The following GARNL3 variants were observed in gnomAD, a reference collection of about 807,000 sequenced individuals.
GARNL3 encodes the protein GTPase activating Rap/RanGAP domain like 3, also known as GTPase-activating Rap/Ran-GAP domain-like protein 3.
In GARNL3, 63 loss-of-function variants were observed where a neutral mutation model predicts 125.0. That is an observed-to-expected ratio of 0.50 (90% CI 0.41 to 0.62). The LOEUF (loss-of-function observed/expected upper bound fraction) is 0.62, where lower values mean the gene tolerates loss of function less well. Ranked by LOEUF, GARNL3 falls within the 20% of genes least tolerant of loss-of-function variation. GARNL3 has a pLI of 0.00. For synonymous variants in GARNL3, 439 were observed against 457.5 expected (o/e 0.96, Z 0.52); for missense variants, 994 against 1,244.0 (o/e 0.80, Z 3.02).
At chr9:127,231,227 T>TG (rs1338376076) in intron 1 of GARNL3, among the ~76,000 whole-genome samples, 2,059 of 85,764 alleles carry the variant, frequency 0.024, 24 homozygotes, top group South Asian at 0.075. Context: ...GCTAATTTTT[T>TG]GTTTTTTTTT....
chr9:127,347,378 C>T (rs1202745177), intron 16 of GARNL3, among the ~76,000 whole-genome samples: 1 of 152,040 alleles, frequency 6.6e-6, no homozygotes, highest in Non-Finnish European at 1.5e-5. Context: ...GCCATGTTCA[C>T]ACCACTGCAC....
intron 22 of GARNL3, among the ~76,000 whole-genome samples, chr9:127,372,717 A>T (rs1440141420): frequency 6.6e-6 from 1 of 152,250 alleles, no homozygotes. Flanking sequence ...ACAAAATGCT[A>T]CAGTTCAAAA....
At chr9:127,369,857 A>AAGGG (rs1831512607) in intron 22 of GARNL3, among the ~76,000 whole-genome samples, 1 of 152,154 alleles carries the variant, frequency 6.6e-6, no homozygotes, top group African/African-American at 2.4e-5. Context: ...TCCAATAGGG[A>AAGGG]AGGGAGGACT....
At chr9:127,320,916 A>T in intron 6 of GARNL3, 138 bp downstream of exon 6, 1 of 627,036 alleles carries the variant, frequency 1.6e-6, no homozygotes, top group Non-Finnish European at 2.8e-6. Flanking sequence ...ATCATGGGAG[A>T]ACCTCACACC....
Position 127,281,537 on chromosome 9 carries a change from G to C in GARNL3, c.145-9631G>C, listed in dbSNP as rs145179931. ...CAGCTGCCCAGCTGCCCAGTCACCC[G>C]GATCTCCCTGTCCCCCGGCACAGGC... On this transcript the variant is annotated intron_variant, in intron 1 of 27. Coordinates refer to ENST00000373387, the MANE Select transcript of GARNL3 (RefSeq NM_032293.5). 2.5e-3 allele frequency among the ~76,000 whole-genome samples: 375 copies of C among 152,198 alleles called. 3 individuals are homozygous for C. Among genetic ancestry groups the C allele is most frequent in the African/African-American group, 8.6e-3 (358 of 41,528 alleles).
At chr9:127,335,720 C>T (rs535556005) in intron 10 of GARNL3, among the ~76,000 whole-genome samples, 116 of 151,900 alleles carry the variant, frequency 7.6e-4, no homozygotes, top group Non-Finnish European at 5.3e-4. Context: ...TAGGTGTTAC[C>T]TTTTCTCTGT....
At chr9:127,345,894 A>G (rs10987603) in intron 16 of GARNL3, among the ~76,000 whole-genome samples, 23,851 of 152,222 alleles carry the variant, frequency 0.16, 2,436 homozygotes, top group South Asian at 0.36. Flanking sequence ...TTAAACAGCA[A>G]GGCTCCTGGG....
intron 1 of GARNL3, among the ~76,000 whole-genome samples, chr9:127,288,971 C>G (rs1345371223): frequency 6.6e-6 from 1 of 152,146 alleles, no homozygotes; most frequent in African/African-American, 2.4e-5. Flanking sequence ...TCATAGTGCT[C>G]TTTTCTTGCC....
At chr9:127,350,651 C>T (rs1471945199) in intron 17 of GARNL3, among the ~76,000 whole-genome samples, 1 of 151,972 alleles carries the variant, frequency 6.6e-6, no homozygotes, top group Non-Finnish European at 1.5e-5. Context: ...TGGCGGATGC[C>T]TGTAGTCCCA....
rs144824185 is a variant in GARNL3 at position 127,298,920 on chromosome 9, A to G, written c.219+7678A>G. On this transcript the variant is annotated intron_variant, in intron 2 of 27. Transcript: ENST00000373387. ...ATTACTGGTGAGGAAGCCAAATTCA[A>G]ATTCTTTCAGAAAATTCACTCAACT... Among the ~76,000 whole-genome samples the G allele has an allele frequency of 3.6e-3, 552 of 152,336 alleles. 1 individual carries two copies. Among genetic ancestry groups the G allele is most frequent in the South Asian group, 0.013 (64 of 4,824 alleles).
At chr9:127,357,418 A>G (rs1478183095) in intron 21 of GARNL3, 41 bp downstream of exon 21, 1 of 1,598,898 alleles carries the variant, frequency 6.3e-7, no homozygotes, top group South Asian at 1.1e-5. Context: ...ATCAGAAAAG[A>G]GTAATCATCG....
chr9:127,250,827 G>A (rs1052392206), intron 2 of GARNL3, among the ~76,000 whole-genome samples: 3 of 152,062 alleles, frequency 2.0e-5, no homozygotes, highest in African/African-American at 2.4e-5. Flanking sequence ...TGTGCCCTAA[G>A]AACAGGGAGG....
At chr9:127,251,992 T>A (rs2063413164) in intron 2 of GARNL3, among the ~76,000 whole-genome samples, 1 of 152,116 alleles carries the variant, frequency 6.6e-6, no homozygotes, top group Non-Finnish European at 1.5e-5. Context: ...ACCGTTAGTT[T>A]CCCCCACATA....
In GARNL3 at chr9:127,280,260, C is replaced by T. The variant is rs115022120; in HGVS notation, c.145-10908C>T. ...TCTGCCCTCAGGACTCTCCATGTCT[C>T]GCTCCCTACCTGGGGCACTTGGTTT... On this transcript the variant is annotated intron_variant, in intron 1 of 27. Transcript: ENST00000373387. The surrounding 1 kb of genome is among the most constrained non-coding windows in gnomAD (Gnocchi z 4.5). 5.9e-5 allele frequency among the ~76,000 whole-genome samples: 9 copies of T among 152,322 alleles called. No homozygotes were observed. Among genetic ancestry groups the T allele is most frequent in the African/African-American group, 2.2e-4 (9 of 41,552 alleles).
intron 2 of GARNL3, among the ~76,000 whole-genome samples, chr9:127,305,560 A>AT (rs1000787954): frequency 3.1e-4 from 47 of 151,504 alleles, no homozygotes; most frequent in African/African-American, 1.1e-3. Context: ...TTTTATTTTA[A>AT]TTTTTTTTAA....
chr9:127,310,233 T>C (rs980569584), intron 2 of GARNL3, among the ~76,000 whole-genome samples: 3 of 152,136 alleles, frequency 2.0e-5, no homozygotes, highest in Non-Finnish European at 2.9e-5. Context: ...GAATTTTTTA[T>C]AGTAATTAAG....
chr9:127,362,294 G>A (rs895925371), intron 21 of GARNL3: 4 of 149,628 alleles, frequency 2.7e-5, no homozygotes, highest in African/African-American at 9.9e-5. Context: ...AGCCAGGCTT[G>A]TCCTGAACTC....
At chr9:127,338,059 C>G in intron 11 of GARNL3, 57 bp from the exon 12 acceptor site, 2 of 1,297,980 alleles carry the variant, frequency 1.5e-6, no homozygotes, top group South Asian at 1.2e-5. Context: ...TTTCAGAGCG[C>G]AAGCTGTCAG....
At chr9:127,269,248 C>G (rs2063765968) in intron 1 of GARNL3, among the ~76,000 whole-genome samples, 3 of 152,224 alleles carry the variant, frequency 2.0e-5, no homozygotes, top group Admixed American at 1.3e-4. Flanking sequence ...AGTCCTCCTG[C>G]CTTGACCTCC....
Sources: gnomAD v4.1 joint callset for allele counts (sites outside exome capture counted in the v4.1 genomes callset) on GRCh38, gnomAD v4.1.1 for gene constraint, Gnocchi (gnomAD v3.1) non-coding constraint, MANE v1.5 for transcripts, NCBI Gene and HGNC (gene_info 2026-07-23, HGNC 2026-07-21) for gene names.